Variants in SLC9A2 observed in about 807,000 individuals in gnomAD.
The protein encoded by SLC9A2 is sodium/hydrogen exchanger 2.
In SLC9A2, 42 loss-of-function variants were observed where a neutral mutation model predicts 71.7. The ratio of observed to expected loss-of-function variants is 0.59; its 90% CI spans 0.46 to 0.76. The LOEUF is 0.76. Ranked by LOEUF, SLC9A2 falls within the 30% of genes least tolerant of loss-of-function variation. SLC9A2 has a pLI of 0.00. For synonymous variants in SLC9A2, 396 were observed against 392.5 expected (o/e 1.01, Z -0.10); for missense variants, 829 against 1,017.4 (o/e 0.81, Z 2.52).
intron 1 of SLC9A2, among the ~76,000 whole-genome samples, chr2:102,648,279 A>G (rs1034160252): frequency 6.6e-6 from 1 of 152,250 alleles, no homozygotes; most frequent in Non-Finnish European, 1.5e-5. Flanking sequence ...AAGGCCTTCA[A>G]TAAAATTCAA....
At chr2:102,649,474 G>T (rs1455473425) in intron 1 of SLC9A2, among the ~76,000 whole-genome samples, 1 of 152,172 alleles carries the variant, frequency 6.6e-6, no homozygotes, top group Non-Finnish European at 1.5e-5. Flanking sequence ...ATTGACAAAT[G>T]GAATCTAATT....
rs575186233 is a variant in SLC9A2, at chr2:102,625,495, G to A, written c.289+5358G>A. Among the ~76,000 whole-genome samples, 20 of 132,022 alleles carry A rather than the reference G, an allele frequency of 1.5e-4. No homozygotes were observed. In the East Asian group the frequency reaches 2.8e-3, roughly 19 times the overall value. The allele number at this position is 132,022 out of a possible 152,430, so 86.6% of individuals were successfully genotyped here. ...CTCCCCCCACCGCACAACAGGTCCC[G>A]GTGTGTGATGTTCCCCTTCCTGTTT... On this transcript the variant is annotated intron_variant, in intron 1 of 11. Coordinates refer to ENST00000233969, the MANE Select transcript of SLC9A2 (RefSeq NM_003048.6).
chr2:102,653,698 A>G (rs145839050), intron 1 of SLC9A2, among the ~76,000 whole-genome samples: 1 of 152,330 alleles, frequency 6.6e-6, no homozygotes, highest in Non-Finnish European at 1.5e-5. Context: ...ATGTGAAAGC[A>G]TGGGTCTCTG....
rs2104523605 is a variant in SLC9A2, at chr2:102,662,486, G to A, written c.754-2614G>A. 2.0e-5 allele frequency among the ~76,000 whole-genome samples: 3 copies of A among 152,260 alleles called. 1 individual carries two copies. Among genetic ancestry groups the A allele is most frequent in the Middle Eastern group, 3.4e-3 (1 of 294 alleles). ...ACTCACTCAAAACTCAGCACCAACAGTACAAGATGCTGAATTTTCTGGGAG... is the reference window on the plus strand; with the variant it reads ...ACTCACTCAAAACTCAGCACCAACAATACAAGATGCTGAATTTTCTGGGAG... On this transcript the variant is annotated intron_variant, in intron 2 of 11. Transcript: ENST00000233969.
intron 7 of SLC9A2, among the ~76,000 whole-genome samples, chr2:102,698,502 G>A (rs1001732545): frequency 1.3e-5 from 2 of 152,132 alleles, no homozygotes; most frequent in Admixed American, 6.5e-5. Context: ...CTCAGAACAC[G>A]TCATTATTAT....
chr2:102,657,205 C>CA (rs529437859), intron 1 of SLC9A2, among the ~76,000 whole-genome samples: 2,375 of 146,292 alleles, frequency 0.016, 68 homozygotes, highest in African/African-American at 0.054. Context: ...GACTCCATCT[C>CA]AAAAAAAAAA....
chr2:102,649,846 G>A (rs1676797633), intron 1 of SLC9A2, among the ~76,000 whole-genome samples: 1 of 152,142 alleles, frequency 6.6e-6, no homozygotes, highest in Admixed American at 6.5e-5. Flanking sequence ...TGGAGAAATA[G>A]GAAAGCTTTT....
At chr2:102,682,004 A>C (rs2104538434) in intron 3 of SLC9A2, among the ~76,000 whole-genome samples, 1 of 152,292 alleles carries the variant, frequency 6.6e-6, no homozygotes, top group Non-Finnish European at 1.5e-5. Flanking sequence ...AGTGAGGAGG[A>C]CCACATGATG....
At chr2:102,693,733 T>C (rs570824293) in intron 5 of SLC9A2, among the ~76,000 whole-genome samples, 21 of 152,332 alleles carry the variant, frequency 1.4e-4, no homozygotes, top group African/African-American at 4.8e-4. Flanking sequence ...CTCTTCTGCT[T>C]ACTTTGTAAC....
At chr2:102,652,819 C>T (rs186087402) in intron 1 of SLC9A2, among the ~76,000 whole-genome samples, 6 of 152,082 alleles carry the variant, frequency 3.9e-5, no homozygotes, top group Non-Finnish European at 7.4e-5. Context: ...ATGACTGATA[C>T]ATTTTTTCCC....
intron 1 of SLC9A2, among the ~76,000 whole-genome samples, chr2:102,628,805 TC>T (rs796882337): frequency 3.7e-4 from 57 of 152,260 alleles, no homozygotes; most frequent in African/African-American, 1.2e-3. Context: ...CGCCTAAGCC[TC>T]CCAAGTAGCT....
At chr2:102,628,614 C>A (rs1423679429) in intron 1 of SLC9A2, among the ~76,000 whole-genome samples, 1 of 151,982 alleles carries the variant, frequency 6.6e-6, no homozygotes. Context: ...TCACTCAGCT[C>A]TCGGTATTTT....
At chr2:102,692,631 T>C (rs1412826752) in intron 5 of SLC9A2, among the ~76,000 whole-genome samples, 1 of 152,196 alleles carries the variant, frequency 6.6e-6, no homozygotes, top group Non-Finnish European at 1.5e-5. Flanking sequence ...TTACTGACAG[T>C]TCATTTTCAT....
At chr2:102,639,009 C>T (rs563771332) in intron 1 of SLC9A2, among the ~76,000 whole-genome samples, 2 of 152,270 alleles carry the variant, frequency 1.3e-5, no homozygotes, top group East Asian at 1.9e-4. Context: ...CATAGTGAGA[C>T]CTTGTCTATA....
chr2:102,649,245 C>T (rs11890268), intron 1 of SLC9A2, among the ~76,000 whole-genome samples: 5,443 of 152,092 alleles, frequency 0.036, 331 homozygotes, highest in African/African-American at 0.12. Context: ...ATTTAATAAA[C>T]GGTGCTGGGA....
intron 1 of SLC9A2, among the ~76,000 whole-genome samples, chr2:102,652,943 T>C (rs1676861945): frequency 6.6e-6 from 1 of 152,212 alleles, no homozygotes; most frequent in Admixed American, 6.5e-5. Flanking sequence ...GGAAAAGCCA[T>C]AAATGCATGC....
intron 1 of SLC9A2, among the ~76,000 whole-genome samples, chr2:102,629,645 A>G (rs1339624470): frequency 1.3e-5 from 2 of 151,932 alleles, no homozygotes; most frequent in Non-Finnish European, 2.9e-5. Context: ...CTTTCTTGCC[A>G]TATTTTGGCT....
chr2:102,680,475 T>C (rs1030739443), intron 3 of SLC9A2, among the ~76,000 whole-genome samples: 2 of 152,134 alleles, frequency 1.3e-5, no homozygotes, highest in Admixed American at 6.5e-5. Flanking sequence ...CAGGCTGTTC[T>C]CCCAGTTCCT....
At chr2:102,701,650 T>C (rs771931340) in intron 8 of SLC9A2, among the ~76,000 whole-genome samples, 5 of 152,158 alleles carry the variant, frequency 3.3e-5, no homozygotes, top group Non-Finnish European at 7.4e-5. Context: ...TTGGGAACTC[T>C]AGACAGCACT....
Sources: allele counts gnomAD v4.1 joint callset (sites outside exome capture counted in the v4.1 genomes callset), GRCh38; gene constraint gnomAD v4.1.1; transcripts MANE v1.5; gene names NCBI Gene and HGNC (gene_info 2026-07-23, HGNC 2026-07-21).